POU6F2: variants seen among roughly 807,000 people sequenced by gnomAD.
POU6F2 encodes the protein POU class 6 homeobox 2, also known as POU domain, class 6, transcription factor 2.
A neutral mutation model predicts 71.3 loss-of-function variants in POU6F2; 31 were observed. The observed-to-expected ratio is 0.43, with a 90% CI of 0.33 to 0.59. POU6F2 has a LOEUF of 0.59. Among genes scored for constraint, POU6F2 ranks in the 20% least tolerant of loss-of-function variants. The pLI, the probability that POU6F2 is intolerant of heterozygous loss-of-function variation, is 0.04. For synonymous variants in POU6F2, 347 were observed against 355.7 expected (o/e 0.98, Z 0.27); for missense variants, 783 against 856.8 (o/e 0.91, Z 1.07).
At chr7:39,207,289 CT>C in intron 3 of POU6F2, 102 bp from the exon 4 acceptor site, 1 of 1,088,750 alleles carries the variant, frequency 9.2e-7, no homozygotes, top group Non-Finnish European at 1.3e-6. Context: ...TTTGGTACTT[CT>C]TCGGGAACTT....
At chr7:39,379,970 T>C (rs1225963086) in intron 5 of POU6F2, among the ~76,000 whole-genome samples, 2 of 152,354 alleles carry the variant, frequency 1.3e-5, no homozygotes, top group East Asian at 1.9e-4. Context: ...TATTTTACTC[T>C]TCTTGCTTCA....
chr7:39,251,715 T>C (rs991014644), intron 4 of POU6F2, among the ~76,000 whole-genome samples: 6 of 152,190 alleles, frequency 3.9e-5, no homozygotes, highest in Non-Finnish European at 7.3e-5. Flanking sequence ...GTCTGAACTG[T>C]AGCATCCTGG....
chr7:39,020,876 A>G (rs1562673536), intron 1 of POU6F2, among the ~76,000 whole-genome samples: 1 of 151,920 alleles, frequency 6.6e-6, no homozygotes, highest in Admixed American at 6.6e-5. Flanking sequence ...TGCTTAAGCT[A>G]TACTTTGATA....
chr7:39,435,021 T>A (rs1788203901), intron 7 of POU6F2, among the ~76,000 whole-genome samples: 1 of 152,258 alleles, frequency 6.6e-6, no homozygotes, highest in Non-Finnish European at 1.5e-5. Context: ...ATTTTCCTTA[T>A]CCAGTCTATC....
chr7:39,211,860 C>T (rs4723832), intron 4 of POU6F2, among the ~76,000 whole-genome samples: 48,828 of 152,046 alleles, frequency 0.32, 8,560 homozygotes, highest in East Asian at 0.68. Flanking sequence ...CCCTCCAGGA[C>T]GTTTCTCTAC....
chr7:39,101,214 C>T (rs1269039513), intron 2 of POU6F2, among the ~76,000 whole-genome samples: 1 of 151,874 alleles, frequency 6.6e-6, no homozygotes. Context: ...GCTGGGATTA[C>T]AGCCACCCGC....
intron 5 of POU6F2, among the ~76,000 whole-genome samples, chr7:39,383,330 T>C (rs1786868828): frequency 6.6e-6 from 1 of 152,206 alleles, no homozygotes; most frequent in Admixed American, 6.5e-5. Flanking sequence ...TCTGATGTGA[T>C]TCATGCCTCT....
At chr7:39,452,993 G>A (rs1664921577) in intron 8 of POU6F2, among the ~76,000 whole-genome samples, 1 of 152,190 alleles carries the variant, frequency 6.6e-6, no homozygotes, top group African/African-American at 2.4e-5. Flanking sequence ...TCAGGGCGCT[G>A]AAACAGAAGA....
At chr7:39,185,580 G>T (rs542962701) in intron 2 of POU6F2, among the ~76,000 whole-genome samples, 5 of 152,084 alleles carry the variant, frequency 3.3e-5, no homozygotes, top group Non-Finnish European at 7.4e-5. Flanking sequence ...ACATGTAGGG[G>T]AATATTCTAG....
intron 4 of POU6F2, among the ~76,000 whole-genome samples, chr7:39,338,021 T>G (rs1785816695): frequency 6.6e-6 from 1 of 152,256 alleles, no homozygotes. Flanking sequence ...AGATAAATGC[T>G]TTTCTAACCA....
At chr7:39,243,303 G>A (rs1783759997) in intron 4 of POU6F2, among the ~76,000 whole-genome samples, 2 of 152,040 alleles carry the variant, frequency 1.3e-5, no homozygotes, top group African/African-American at 2.4e-5. Flanking sequence ...TCCCAGTGAT[G>A]GAAAGGCAAG....
At chr7:39,108,723 T>C (rs1396908207) in intron 2 of POU6F2, among the ~76,000 whole-genome samples, 1 of 152,222 alleles carries the variant, frequency 6.6e-6, no homozygotes, top group Non-Finnish European at 1.5e-5. Flanking sequence ...TATCTACAGA[T>C]TCTAGTTTTA....
At chr7:39,119,461 T>C (rs1791998663) in intron 2 of POU6F2, among the ~76,000 whole-genome samples, 2 of 152,158 alleles carry the variant, frequency 1.3e-5, no homozygotes, top group Admixed American at 1.3e-4. Flanking sequence ...GTGATATAAT[T>C]TGCTTTGGGA....
At position 39,312,055 on chromosome 7, in the gene POU6F2, T is replaced by C. The variant is rs552305402; in HGVS notation, c.599-27587T>C. ...TTAATAGCCCTATATTTCTATGCAG[T>C]GAAAATAGAAGAAAAGGAATTGCAG... On this transcript the variant is annotated intron_variant, in intron 4 of 9. Coordinates refer to ENST00000518318, the MANE Select transcript of POU6F2 (RefSeq NM_001370959.1). 7.3e-5 allele frequency among the ~76,000 whole-genome samples: 11 copies of C among 151,680 alleles called. No individual in the cohort carries two copies. In the South Asian group the frequency reaches 2.3e-3, roughly 32 times the overall value.
Position 39,348,554 on chromosome 7 carries a change from A to G in POU6F2, c.972+8539A>G, listed in dbSNP as rs554479256. 4.8e-3 allele frequency among the ~76,000 whole-genome samples: 728 copies of G among 152,324 alleles called. 5 individuals are homozygous for G. The highest frequency in any genetic ancestry group is 0.016 in the African/African-American group (670 of 41,574). ...TCAGAAAGTTCAAGCAAATTTCTCA[A>G]CATCACTAACAACGGCTGAATTGGG... On this transcript the variant is annotated intron_variant, in intron 5 of 9. Transcript: ENST00000518318.
chr7:39,318,619 G>T (rs1785320194), intron 4 of POU6F2, among the ~76,000 whole-genome samples: 1 of 152,120 alleles, frequency 6.6e-6, no homozygotes, highest in Admixed American at 6.5e-5. Flanking sequence ...GAACCCTTCT[G>T]CTCTCTTAGG....
At chr7:39,164,242 GT>G (rs1178963717) in intron 2 of POU6F2, among the ~76,000 whole-genome samples, 1 of 150,484 alleles carries the variant, frequency 6.6e-6, no homozygotes, top group Non-Finnish European at 1.5e-5. Flanking sequence ...ATAATAGTAA[GT>G]TTCAAACATA....
At chr7:39,352,934 C>T (rs1786167040) in intron 5 of POU6F2, among the ~76,000 whole-genome samples, 1 of 152,280 alleles carries the variant, frequency 6.6e-6, no homozygotes, top group South Asian at 2.1e-4. Flanking sequence ...ACTAGAGTCT[C>T]ATGTTCCCCC....
chr7:39,375,271 C>T (rs1051432552), intron 5 of POU6F2, among the ~76,000 whole-genome samples: 1 of 152,110 alleles, frequency 6.6e-6, no homozygotes, highest in Non-Finnish European at 1.5e-5. Flanking sequence ...TATTGAGAAA[C>T]GACAGTAATG....
Sources: gnomAD v4.1 joint callset for allele counts (sites outside exome capture counted in the v4.1 genomes callset) on GRCh38, gnomAD v4.1.1 for gene constraint, MANE v1.5 for transcripts, NCBI Gene and HGNC (gene_info 2026-07-23, HGNC 2026-07-21) for gene names.